EPHA3: variants seen among roughly 807,000 people sequenced by gnomAD.
EPHA3 encodes EPH receptor A3.
In EPHA3, 42 loss-of-function variants were observed where a neutral mutation model predicts 107.1. The ratio of observed to expected loss-of-function variants is 0.39; its 90% CI spans 0.31 to 0.51. The LOEUF is 0.51. Among genes scored for constraint, EPHA3 ranks in the 20% least tolerant of loss-of-function variants. The probability of loss-of-function intolerance (pLI) is 0.78; values close to 1 mark genes in which losing one functional copy is unlikely to be tolerated. For synonymous variants in EPHA3, 461 were observed against 424.8 expected (o/e 1.09, Z -1.05); for missense variants, 1,183 against 1,211.2 (o/e 0.98, Z 0.35).
In EPHA3 at chr3:89,431,333, G is replaced by T; in HGVS notation, c.2320G>T (p.Asp774Tyr). The T allele has an allele frequency of 6.2e-7, 1 of 1,613,606 alleles. No individual in the cohort carries two copies. Among genetic ancestry groups the T allele is most frequent in the South Asian group, 1.1e-5 (1 of 91,048 alleles). The change falls in exon 13 of 17, where the codon GAC (aspartate) becomes TAC (tyrosine). Residue 774 changes from aspartate to tyrosine, a missense_variant. Transcript: ENST00000336596. Reference protein sequence around the residue: ...DFGLSRVLEDDPEAAYTTRGG... With the variant: ...DFGLSRVLEDYPEAAYTTRGG... Reference sequence around the variant, plus strand: ...CGGACTTTCGCGTGTCCTGGAGGATGACCCAGAAGCTGCTTATACAACAAG... The same window carrying T: ...CGGACTTTCGCGTGTCCTGGAGGATTACCCAGAAGCTGCTTATACAACAAG...
At chr3:89,457,160 A>T (rs1030396027) in intron 15 of EPHA3, among the ~76,000 whole-genome samples, 2 of 152,134 alleles carry the variant, frequency 1.3e-5, no homozygotes, top group African/African-American at 2.4e-5. Flanking sequence ...AGGCTGGGGG[A>T]ACACTACAGA....
intron 5 of EPHA3, among the ~76,000 whole-genome samples, chr3:89,381,554 A>T (rs187806137): frequency 9.9e-5 from 15 of 152,016 alleles, no homozygotes; most frequent in African/African-American, 3.4e-4. Context: ...CTGCAATTCC[A>T]TCTACTGGGG....
chr3:89,203,176 G>A (rs890156825), intron 2 of EPHA3, among the ~76,000 whole-genome samples: 2 of 151,876 alleles, frequency 1.3e-5, no homozygotes, highest in Non-Finnish European at 2.9e-5. Flanking sequence ...AGTTGGCCAA[G>A]GGATATATAG....
chr3:89,170,248 T>C (rs1361686665), intron 2 of EPHA3, among the ~76,000 whole-genome samples: 2 of 137,194 alleles, frequency 1.5e-5, no homozygotes, highest in Admixed American at 7.4e-5. Flanking sequence ...AGAGAGAGAC[T>C]CCGTATCAGA....
intron 11 of EPHA3, among the ~76,000 whole-genome samples, chr3:89,426,331 C>T (rs529820363): frequency 6.6e-6 from 1 of 151,742 alleles, no homozygotes; most frequent in Non-Finnish European, 1.5e-5. Context: ...TTTTCTTTAA[C>T]CCTATTTACC....
rs150984503 is a variant in EPHA3, at chr3:89,429,034, C to T, written c.2075-72C>T. ...CTCTATAATCCTCAGGTAAATCCAACTATATTATATATGTTCATTGTATAA... is the reference window on the plus strand; with the variant it reads ...CTCTATAATCCTCAGGTAAATCCAATTATATTATATATGTTCATTGTATAA... On this transcript the variant is annotated intron_variant, in intron 11 of 16. Coordinates refer to ENST00000336596, the MANE Select transcript of EPHA3 (RefSeq NM_005233.6). The T allele has an allele frequency of 2.2e-3, 2,248 of 1,013,520 alleles. 38 individuals carry two copies. The African/African-American group carries it at 0.034, about 15-fold the overall frequency. 62.8% of individuals were successfully genotyped at this position (1,013,520 alleles called of 1,614,324 possible). A position where few individuals can be genotyped will look rare whatever the true frequency, so the allele number is the denominator to read the frequency against.
chr3:89,458,213 G>A lies in EPHA3; in HGVS notation c.2690+7843G>A, dbSNP rs535906462. Among the ~76,000 whole-genome samples the A allele has an allele frequency of 2.4e-4, 36 of 152,154 alleles. 1 individual carries two copies. Among genetic ancestry groups the A allele is most frequent in the Non-Finnish European group, 4.1e-4 (28 of 68,040 alleles). Reference sequence around the variant, plus strand: ...GCAATACAAGAAGGAAAACAAATACGAAACATTCACTAATATCTCAGAATA... The same window carrying A: ...GCAATACAAGAAGGAAAACAAATACAAAACATTCACTAATATCTCAGAATA... On this transcript the variant is annotated intron_variant, in intron 15 of 16. Coordinates refer to ENST00000336596, the MANE Select transcript of EPHA3 (RefSeq NM_005233.6).
Position 89,431,235 on chromosome 3 carries a change from GC to G in EPHA3, c.2223del (p.Tyr742MetfsTer12). ...ASGMKYLSDM[G>X]YVHRDLAARN... ...GGCATGAAGTACCTGTCAGACATGG[GC>G]TATGTTCACCGAGACCTCGCTGCTC... On this transcript the variant is annotated frameshift_variant, in exon 13 of 17. Transcript: ENST00000336596. LOFTEE classifies it high-confidence loss of function. 1 of 1,613,768 alleles carries G rather than the reference GC, an allele frequency of 6.2e-7. No individual in the cohort carries two copies. The highest frequency in any genetic ancestry group is 8.5e-7 in the Non-Finnish European group (1 of 1,179,908).
intron 15 of EPHA3, among the ~76,000 whole-genome samples, chr3:89,454,808 A>G (rs73139284): frequency 0.23 from 34,221 of 151,978 alleles, 4,158 homozygotes; most frequent in Non-Finnish European, 0.25. Flanking sequence ...TTTGGGTGTT[A>G]TAGCAAGACC....
intron 3 of EPHA3, among the ~76,000 whole-genome samples, chr3:89,270,721 A>G (rs1705648324): frequency 6.7e-6 from 1 of 149,652 alleles, no homozygotes; most frequent in African/African-American, 2.5e-5. Flanking sequence ...TTTCCTCTGT[A>G]TGTTATTTTT....
intron 5 of EPHA3, among the ~76,000 whole-genome samples, chr3:89,349,949 C>A (rs1172637087): frequency 6.7e-6 from 1 of 149,404 alleles, no homozygotes; most frequent in Non-Finnish European, 1.5e-5. Context: ...TTGGCCCCCA[C>A]TCTCTTCTGG....
chr3:89,313,024 T>A (rs1459927612), intron 3 of EPHA3, among the ~76,000 whole-genome samples: 1 of 152,056 alleles, frequency 6.6e-6, no homozygotes, highest in Non-Finnish European at 1.5e-5. Context: ...TTTGCTATTG[T>A]GAATTGTGTT....
chr3:89,442,613 C>G (rs1159547304), intron 13 of EPHA3, among the ~76,000 whole-genome samples: 3 of 152,292 alleles, frequency 2.0e-5, no homozygotes, highest in Non-Finnish European at 4.4e-5. Context: ...GAAAGGTCAA[C>G]AGTGCCCTTC....
intron 2 of EPHA3, among the ~76,000 whole-genome samples, chr3:89,175,436 G>A (rs766026716): frequency 6.6e-5 from 10 of 152,104 alleles, no homozygotes; most frequent in Non-Finnish European, 1.5e-4. Context: ...TACAAGTGTA[G>A]TGTAAAGTCA....
intron 2 of EPHA3, among the ~76,000 whole-genome samples, chr3:89,131,159 G>A (rs1295380806): frequency 7.5e-6 from 1 of 133,500 alleles, no homozygotes; most frequent in Non-Finnish European, 1.7e-5. Context: ...ATTTTTCAAT[G>A]AAAGAGTTTT....
chr3:89,285,124 A>G (rs1244383187), intron 3 of EPHA3, among the ~76,000 whole-genome samples: 1 of 152,136 alleles, frequency 6.6e-6, no homozygotes, highest in Non-Finnish European at 1.5e-5. Flanking sequence ...CTCTGTCTCA[A>G]ATAAATAAAT....
At chr3:89,172,194 T>C (rs1705227096) in intron 2 of EPHA3, among the ~76,000 whole-genome samples, 1 of 152,166 alleles carries the variant, frequency 6.6e-6, no homozygotes, top group South Asian at 2.1e-4. Flanking sequence ...ATGCGTGTTG[T>C]TGTGAACATT....
intron 5 of EPHA3, among the ~76,000 whole-genome samples, chr3:89,358,676 A>G (rs1399027699): frequency 1.3e-5 from 2 of 151,218 alleles, no homozygotes; most frequent in African/African-American, 4.8e-5. Flanking sequence ...TTGGTCTTGA[A>G]TTCACAGATT....
intron 5 of EPHA3, among the ~76,000 whole-genome samples, chr3:89,360,936 A>C (rs190871523): frequency 1.3e-5 from 2 of 151,096 alleles, no homozygotes; most frequent in East Asian, 3.9e-4. Context: ...CTCACTTCTC[A>C]TATGAACAGA....
Sources: allele counts gnomAD v4.1 joint callset (sites outside exome capture counted in the v4.1 genomes callset), GRCh38; gene constraint gnomAD v4.1.1; transcripts MANE v1.5; gene names NCBI Gene and HGNC (gene_info 2026-07-23, HGNC 2026-07-21).